NDUFA9: variants seen among roughly 807,000 people sequenced by gnomAD.
The protein encoded by NDUFA9 is NADH dehydrogenase [ubiquinone] 1 alpha subcomplex subunit 9, mitochondrial.
In NDUFA9, 23 loss-of-function variants were observed where a neutral mutation model predicts 45.9. The observed-to-expected ratio is 0.50, with a 90% CI of 0.36 to 0.71. NDUFA9 has a LOEUF of 0.71. NDUFA9 is among the 30% of genes least tolerant of loss of function. The pLI is 0.00. For synonymous variants in NDUFA9, 176 were observed against 170.5 expected (o/e 1.03, Z -0.25); for missense variants, 466 against 488.2 (o/e 0.95, Z 0.43).
intron 6 of NDUFA9, among the ~76,000 whole-genome samples, chr12:4,665,960 C>T (rs980089175): frequency 6.6e-6 from 1 of 152,056 alleles, no homozygotes; most frequent in African/African-American, 2.4e-5. Flanking sequence ...TACCACCACA[C>T]CTGGCTTAAA....
intron 6 of NDUFA9, chr12:4,667,407 T>C (rs1945859201): frequency 6.4e-6 from 1 of 157,362 alleles, no homozygotes; most frequent in African/African-American, 2.4e-5. Context: ...TTAATTTCTT[T>C]CAGCAATGTT....
At chr12:4,669,838 T>A in intron 8 of NDUFA9, 21 bp downstream of exon 8, 1 of 1,549,110 alleles carries the variant, frequency 6.5e-7, no homozygotes, top group Middle Eastern at 1.7e-4. Context: ...AGAGTTTGAA[T>A]TTTAAATTGT....
Position 4,681,132 on chromosome 12 carries a change from A to G in NDUFA9, c.801-1073A>G, listed in dbSNP as rs541754471. ...TGTACAAAAATACGTCACAGAAGGA[A>G]CTTTATAGTAAAAAAAAAATCTTTT... On this transcript the variant is annotated intron_variant, in intron 8 of 10. Transcript: ENST00000266544. 2.6e-5 allele frequency among the ~76,000 whole-genome samples: 4 copies of G among 152,270 alleles called. No individual in the cohort carries two copies. In the East Asian group the frequency reaches 7.7e-4, roughly 29 times the overall value.
intron 9 of NDUFA9, among the ~76,000 whole-genome samples, chr12:4,684,745 T>A (rs1316953143): frequency 6.6e-6 from 1 of 152,042 alleles, no homozygotes; most frequent in Non-Finnish European, 1.5e-5. Context: ...GCCTTTTCCG[T>A]TTTGGGTTTT....
In NDUFA9 at chr12:4,657,758, C is replaced by T. The variant is rs775920867; in HGVS notation, c.329C>T (p.Ala110Val). The T allele has an allele frequency of 2.7e-5, 43 of 1,612,346 alleles. No homozygotes were observed. The South Asian group carries it at 4.1e-4, about 15-fold the overall frequency. The change falls in exon 4 of 11, where the codon GCG (alanine) becomes GTG (valine). Residue 110 changes from alanine to valine, a missense_variant. Physicochemically the swap from Ala to Val is moderately conservative, Grantham distance 64. Transcript: ENST00000266544. ...TTTCTGCTATTATAGGAATGGGACG[C>T]GAGAGATAAAGATTCTATCCGACGA... is the stretch of plus-strand genomic sequence containing the variant. ...LGQLLFLEWD[A>V]RDKDSIRRVV...
chr12:4,668,091 A>G lies in NDUFA9; in HGVS notation c.656-366A>G, dbSNP rs893531146. Among the ~76,000 whole-genome samples the G allele has an allele frequency of 2.0e-5, 3 of 152,182 alleles. No individual in the cohort carries two copies. The East Asian group carries it at 5.8e-4, about 29-fold the overall frequency. On this transcript the variant is annotated intron_variant, in intron 6 of 10. Coordinates refer to ENST00000266544, the MANE Select transcript of NDUFA9 (RefSeq NM_005002.5). Reference sequence around the variant, plus strand: ...TAGATATTAACTAGATAGACAGCTCATCTGCCATATCAACAGATGAGTATC... The same window carrying G: ...TAGATATTAACTAGATAGACAGCTCGTCTGCCATATCAACAGATGAGTATC...
intron 1 of NDUFA9, 50 bp from the exon 2 acceptor site, chr12:4,654,242 T>TA: frequency 6.5e-7 from 1 of 1,531,728 alleles, no homozygotes; most frequent in Non-Finnish European, 8.9e-7. Context: ...TTGACAGTTT[T>TA]AAAAATATTA....
intron 6 of NDUFA9, among the ~76,000 whole-genome samples, chr12:4,665,845 T>G (rs999348002): frequency 1.3e-5 from 2 of 152,104 alleles, no homozygotes; most frequent in Admixed American, 1.3e-4. Context: ...GGTCTTGCTC[T>G]GTCACCTAGG....
chr12:4,659,020 A>T lies in NDUFA9; in HGVS notation c.411-16A>T, dbSNP rs767021595. ...TGTGGAGTTCTTAACCAATCCTTTT[A>T]TTTTTTATCTTCCAGAAACTTTGAT... On this transcript the variant is annotated splice_polypyrimidine_tract_variant and intron_variant, in intron 4 of 10. Transcript: ENST00000266544. 16 of 1,607,072 alleles carry T rather than the reference A, an allele frequency of 1.0e-5. No individual in the cohort carries two copies. Among genetic ancestry groups the T allele is most frequent in the South Asian group, 2.2e-5 (2 of 90,680 alleles).
chr12:4,667,299 G>A (rs773946049), intron 6 of NDUFA9, among the ~76,000 whole-genome samples: 1 of 152,098 alleles, frequency 6.6e-6, no homozygotes, highest in Non-Finnish European at 1.5e-5. Flanking sequence ...GGCAACATCT[G>A]AACTTTGGAG....
chr12:4,653,671 G>T, intron 1 of NDUFA9: 1 of 420,216 alleles, frequency 2.4e-6, no homozygotes, highest in Non-Finnish European at 4.6e-6. Context: ...TTCTTCAGTG[G>T]TTTTATAGTA....
intron 10 of NDUFA9, among the ~76,000 whole-genome samples, chr12:4,686,601 G>C (rs73043672): frequency 0.025 from 3,764 of 152,092 alleles, 67 homozygotes; most frequent in Middle Eastern, 0.044. Flanking sequence ...GCCTCCCCTG[G>C]CAAGTGTGGT....
In NDUFA9 at chr12:4,671,895, A is replaced by C. The variant is rs189909876; in HGVS notation, c.800+2078A>C. On this transcript the variant is annotated intron_variant, in intron 8 of 10. Transcript: ENST00000266544. ...CTCCTACCTTGCTCTGTACATGAAA[A>C]AATTAAAATAATTCAGAGACTTCAG... Among the ~76,000 whole-genome samples, 106 of 152,352 alleles carry C rather than the reference A, an allele frequency of 7.0e-4. 1 individual carries two copies. The highest frequency in any genetic ancestry group is 3.5e-3 in the South Asian group (17 of 4,830).
At chr12:4,666,031 C>A (rs1327632024) in intron 6 of NDUFA9, among the ~76,000 whole-genome samples, 1 of 152,140 alleles carries the variant, frequency 6.6e-6, no homozygotes, top group African/African-American at 2.4e-5. Flanking sequence ...ACTCAAACTC[C>A]TGGCCTCAAG....
chr12:4,687,143 T>TG lies in NDUFA9; in HGVS notation c.*38dup. The TG allele has an allele frequency of 6.2e-7, 1 of 1,608,340 alleles. No individual in the cohort carries two copies. Among genetic ancestry groups the TG allele is most frequent in the South Asian group, 1.1e-5 (1 of 90,020 alleles). On this transcript the variant is annotated 3_prime_UTR_variant, in exon 11 of 11. Coordinates refer to ENST00000266544, the MANE Select transcript of NDUFA9 (RefSeq NM_005002.5). The stretch of plus-strand genomic sequence containing the variant: ...AGCAGCTCTTGGTTTTGGCGTCTTT[T>TG]GGGTCGGCCCATGTGGTTTGAGCAC...
In NDUFA9 at chr12:4,689,646, G is replaced by A. The variant is rs988010472; in HGVS notation, c.*2538G>A. The A allele has an allele frequency of 5.3e-6, 1 of 188,768 alleles. No homozygotes were observed. The allele number at this position is 188,768 out of a possible 1,614,324, so 11.7% of individuals were successfully genotyped here. A position where few individuals can be genotyped will look rare whatever the true frequency, so the allele number is the denominator to read the frequency against. On this transcript the variant is annotated 3_prime_UTR_variant, in exon 11 of 11. Transcript: ENST00000266544. Reference sequence around the variant, plus strand: ...GATCATAGATCAACAGCATCCCAAGGCAGAAGAATTTTTCTTAGTACAGAA... The same window carrying A: ...GATCATAGATCAACAGCATCCCAAGACAGAAGAATTTTTCTTAGTACAGAA...
At chr12:4,676,212 T>A (rs1368568327) in intron 8 of NDUFA9, among the ~76,000 whole-genome samples, 1 of 152,172 alleles carries the variant, frequency 6.6e-6, no homozygotes, top group Non-Finnish European at 1.5e-5. Context: ...CTGGAAGCAT[T>A]CCCTTTGAAA....
At chr12:4,677,691 TTGG>T (rs2137482256) in intron 8 of NDUFA9, among the ~76,000 whole-genome samples, 1 of 152,236 alleles carries the variant, frequency 6.6e-6, no homozygotes, top group South Asian at 2.1e-4. Flanking sequence ...TTTTCCACTG[TTGG>T]TGGAAGTGTA....
At chr12:4,675,396 CATAG>C (rs1245898207) in intron 8 of NDUFA9, among the ~76,000 whole-genome samples, 2 of 149,730 alleles carry the variant, frequency 1.3e-5, no homozygotes, top group African/African-American at 2.4e-5. Flanking sequence ...TTTTCAACAA[CATAG>C]ATAGACTGCT....
Sources: gnomAD v4.1 joint callset for allele counts (sites outside exome capture counted in the v4.1 genomes callset) on GRCh38, gnomAD v4.1.1 for gene constraint, MANE v1.5 for transcripts, NCBI Gene and HGNC (gene_info 2026-07-23, HGNC 2026-07-21) for gene names.